DNAH5: variants seen among roughly 807,000 people sequenced by gnomAD.
The protein encoded by DNAH5 is dynein axonemal heavy chain 5, also known as axonemal beta dynein heavy chain 5.
Under a neutral mutation model 518.2 loss-of-function variants are expected in DNAH5, and 372 were observed. The observed-to-expected ratio is 0.72, with a 90% CI of 0.66 to 0.78. The LOEUF is 0.78. Among genes scored for constraint, DNAH5 ranks in the 30% least tolerant of loss-of-function variants. The pLI, the probability that DNAH5 is intolerant of heterozygous loss-of-function variation, is 0.00. For synonymous variants in DNAH5, 2,039 were observed against 2,025.9 expected, an observed-to-expected ratio of 1.01 and a Z score of -0.17; for missense variants, 5,523 against 5,687.0, an observed-to-expected ratio of 0.97 and a Z score of 0.93.
At chr5:13,692,854 T>G (rs1441273300) in intron 78 of DNAH5, among the ~76,000 whole-genome samples, 1 of 152,204 alleles carries the variant, frequency 6.6e-6, no homozygotes, top group Non-Finnish European at 1.5e-5. Context: ...CTCTCCAGCC[T>G]TGGAAACCCC....
Position 13,866,193 on chromosome 5 carries a change from G to A in DNAH5, c.4116+27C>T, listed in dbSNP as rs754495552. 1.9e-6 allele frequency: 3 copies of A among 1,605,028 alleles called. No individual in the cohort carries two copies. In the South Asian group the frequency reaches 3.3e-5, roughly 18 times the overall value. On this transcript the variant is annotated intron_variant, in intron 26 of 78. Coordinates refer to ENST00000265104, the MANE Select transcript of DNAH5 (RefSeq NM_001369.3). ...AAACACAACAAAGTTTCATTGTTTA[G>A]AAAGTCATAGAAACTAAAAAGATTA... is the stretch of plus-strand genomic sequence containing the variant.
intron 49 of DNAH5, among the ~76,000 whole-genome samples, chr5:13,793,305 T>C (rs1757290987): frequency 6.6e-6 from 1 of 152,118 alleles, no homozygotes; most frequent in Admixed American, 6.6e-5. Context: ...AAACCATAAA[T>C]GGAAAAGCTC....
At chr5:13,954,917 C>A (rs1780657998) in intron 1 of DNAH5, among the ~76,000 whole-genome samples, 1 of 152,206 alleles carries the variant, frequency 6.6e-6, no homozygotes, top group Non-Finnish European at 1.5e-5. Context: ...CCAGTTCTCA[C>A]ACGTTCACTC....
At position 13,841,853 on chromosome 5, in the gene DNAH5, A is replaced by G. The variant is rs751794427; in HGVS notation, c.5323T>C (p.Leu1775=). ...CCCTCTGCCATGACAGGTTTATCCA[A>G]TTCAATCGTCTCACCCTCTTGAGAG... The part of the protein sequence containing the change: ...ISSQEGETIE[L]DKPVMAEGNV... Residue 1775 remains leucine (L), a synonymous_variant, in exon 33 of 79, where the codon TTG becomes CTG. Transcript: ENST00000265104. The G allele has an allele frequency of 4.7e-5, 75 of 1,602,130 alleles. No individual in the cohort carries two copies. The highest frequency in any genetic ancestry group is 5.5e-5 in the South Asian group (5 of 90,636).
intron 1 of DNAH5, among the ~76,000 whole-genome samples, chr5:13,940,844 A>C (rs1170853845): frequency 1.3e-5 from 2 of 152,222 alleles, no homozygotes; most frequent in Admixed American, 1.3e-4. Flanking sequence ...GATAGAAAGA[A>C]CAAGTTCAGC....
chr5:13,924,105 G>A (rs1357972832), intron 3 of DNAH5, among the ~76,000 whole-genome samples: 8 of 152,106 alleles, frequency 5.3e-5, no homozygotes, highest in Admixed American at 5.2e-4. Context: ...GCCAATAGGT[G>A]GCAGAGCCAA....
chr5:13,877,327 A>C (rs1771038889), intron 21 of DNAH5, among the ~76,000 whole-genome samples: 1 of 151,424 alleles, frequency 6.6e-6, no homozygotes, highest in Non-Finnish European at 1.5e-5. Flanking sequence ...CTCTCTGAGA[A>C]AAAAAGTCCT....
chr5:13,878,097 C>T (rs1483763166), intron 21 of DNAH5, among the ~76,000 whole-genome samples: 1 of 152,098 alleles, frequency 6.6e-6, no homozygotes, highest in African/African-American at 2.4e-5. Context: ...TATGAGCACA[C>T]AAGCACTTCA....
Position 13,707,361 on chromosome 5 carries a change from A to C in DNAH5, c.13338+762T>G, listed in dbSNP as rs571756364. Reference sequence around the variant, plus strand: ...ACATGTGAGGCAATTTTTCCAGTACACTAGAGCAAGAACCCAGGAAACAGA... The same window carrying C: ...ACATGTGAGGCAATTTTTCCAGTACCCTAGAGCAAGAACCCAGGAAACAGA... On this transcript the variant is annotated intron_variant, in intron 76 of 78. Coordinates refer to ENST00000265104, the MANE Select transcript of DNAH5 (RefSeq NM_001369.3). The surrounding 1 kb of genome is among the most constrained non-coding windows in gnomAD (Gnocchi z 4.0). 6.6e-6 allele frequency among the ~76,000 whole-genome samples: 1 copy of C among 152,180 alleles called. No homozygotes were observed. The highest frequency in any genetic ancestry group is 1.5e-5 in the Non-Finnish European group (1 of 68,032).
At position 13,810,226 on chromosome 5, in the gene DNAH5, C is replaced by T; in HGVS notation, c.7442G>A (p.Gly2481Glu). Reference sequence around the variant, plus strand: ...CAGCAGCGCGAACACGAACAGCCGCCCCAGGTGAGCCTGGCTCACCTCCCC... The same window carrying T: ...CAGCAGCGCGAACACGAACAGCCGCTCCAGGTGAGCCTGGCTCACCTCCCC... ...QGGEVSQAHL[G>E]RLFVFALLWS... Residue 2481 changes from glycine to glutamate, a missense_variant, in exon 45 of 79, where the codon GGG becomes GAG. Physicochemically the swap from Gly to Glu is moderately conservative, Grantham distance 98 (BLOSUM62 -2). This residue lies in a region of DNAH5 where 5,121 missense variants were observed against 5,223.3 expected (regional missense o/e 0.98). Coordinates refer to ENST00000265104, the MANE Select transcript of DNAH5 (RefSeq NM_001369.3). 1 of 1,550,684 alleles carries T rather than the reference C, an allele frequency of 6.4e-7. No homozygotes were observed. Among genetic ancestry groups the T allele is most frequent in the African/African-American group, 1.4e-5 (1 of 73,174 alleles).
Position 13,969,782 on chromosome 5 carries a change from T to C in DNAH5, c.13-38538A>G, listed in dbSNP as rs1248235882. 2.0e-5 allele frequency among the ~76,000 whole-genome samples: 3 copies of C among 152,178 alleles called. No individual in the cohort carries two copies. In the East Asian group the frequency reaches 5.8e-4, roughly 29 times the overall value. On this transcript the variant is annotated intron_variant, in intron 1 of 78. Coordinates refer to the DNAH5 transcript ENST00000681290. ...GCTGATGAATAGAATGTATAATCTG[T>C]AGTTGTTGGGTAGAATGTTCTGTAA...
chr5:13,887,712 AT>A (rs1479146501), intron 17 of DNAH5, among the ~76,000 whole-genome samples: 1 of 152,048 alleles, frequency 6.6e-6, no homozygotes, highest in Admixed American at 6.5e-5. Flanking sequence ...TCCTAACACG[AT>A]TTCACACTTC....
chr5:13,731,037 A>G (rs1489229129), intron 68 of DNAH5, among the ~76,000 whole-genome samples: 2 of 152,140 alleles, frequency 1.3e-5, no homozygotes, highest in Non-Finnish European at 2.9e-5. Flanking sequence ...AAATCAATCC[A>G]TTTGGCCACT....
intron 1 of DNAH5, among the ~76,000 whole-genome samples, chr5:13,973,061 G>C (rs1252713342): frequency 6.6e-6 from 1 of 152,158 alleles, no homozygotes; most frequent in Non-Finnish European, 1.5e-5. Flanking sequence ...TTCAGTGAGG[G>C]GGAGATGAGC....
chr5:13,872,064 C>A (rs1013907615), intron 22 of DNAH5, among the ~76,000 whole-genome samples: 2 of 152,212 alleles, frequency 1.3e-5, no homozygotes, highest in Admixed American at 1.3e-4. Context: ...TGGAGCTGGG[C>A]CTTAGATCAA....
At chr5:13,958,611 G>C (rs1404200737) in intron 1 of DNAH5, among the ~76,000 whole-genome samples, 1 of 152,130 alleles carries the variant, frequency 6.6e-6, no homozygotes, top group Non-Finnish European at 1.5e-5. Context: ...GACCAAGACA[G>C]CCATTTTATT....
intron 1 of DNAH5, among the ~76,000 whole-genome samples, chr5:13,980,428 A>G (rs1782591374): frequency 2.6e-5 from 4 of 151,890 alleles, no homozygotes. Flanking sequence ...CGAACTCAGC[A>G]TCTCCCACAT....
chr5:13,929,366 G>A (rs1166473256), intron 2 of DNAH5, among the ~76,000 whole-genome samples: 1 of 152,120 alleles, frequency 6.6e-6, no homozygotes, highest in Non-Finnish European at 1.5e-5. Flanking sequence ...TAGTTTAATG[G>A]GTACAGCGTT....
intron 65 of DNAH5, among the ~76,000 whole-genome samples, chr5:13,740,510 T>A (rs989218920): frequency 6.6e-6 from 1 of 152,176 alleles, no homozygotes; most frequent in Non-Finnish European, 1.5e-5. Flanking sequence ...CGTTTGCTAT[T>A]TCCTACATCA....
Sources: gnomAD v4.1 joint callset for allele counts (sites outside exome capture counted in the v4.1 genomes callset) on GRCh38, gnomAD v4.1.1 for gene constraint, gnomAD v4.1.1 regional missense constraint, Gnocchi (gnomAD v3.1) non-coding constraint, MANE v1.5 for transcripts, NCBI Gene and HGNC (gene_info 2026-07-23, HGNC 2026-07-21) for gene names.